TMEM38B: variants seen among roughly 807,000 people sequenced by gnomAD.
TMEM38B encodes the protein transmembrane protein 38B.
A neutral mutation model predicts 28.7 loss-of-function variants in TMEM38B; 24 were observed. The observed-to-expected ratio is 0.84, with a 90% CI of 0.61 to 1.18. The LOEUF is 1.18. Ranked by LOEUF, TMEM38B falls within the 50% of genes most tolerant of loss-of-function variation. The pLI, the probability that TMEM38B is intolerant of heterozygous loss-of-function variation, is 0.00. For synonymous variants in TMEM38B, 131 were observed against 127.7 expected (o/e 1.03, Z -0.17); for missense variants, 380 against 350.9 (o/e 1.08, Z -0.66).
intron 5 of TMEM38B, chr9:105,760,344 GGA>G: frequency 1.3e-6 from 1 of 769,174 alleles, no homozygotes; most frequent in Non-Finnish European, 2.4e-6. Flanking sequence ...CTTTCTTACT[GGA>G]TCATCATCAG....
chr9:105,718,241 G>C (rs1836181502), intron 2 of TMEM38B, among the ~76,000 whole-genome samples: 1 of 141,506 alleles, frequency 7.1e-6, no homozygotes, highest in Non-Finnish European at 1.6e-5. Context: ...TTCATTTGAG[G>C]TTTTTTTTTT....
chr9:105,747,467 TTTC>T (rs1204237248), intron 4 of TMEM38B, among the ~76,000 whole-genome samples: 2 of 152,150 alleles, frequency 1.3e-5, no homozygotes, highest in Non-Finnish European at 2.9e-5. Context: ...TCTTCTCTCT[TTTC>T]TTCTTTATTA....
At chr9:105,773,163 T>C (rs1299915265) in intron 5 of TMEM38B, among the ~76,000 whole-genome samples, 2 of 152,182 alleles carry the variant, frequency 1.3e-5, no homozygotes, top group African/African-American at 4.8e-5. Flanking sequence ...TAGCCTAATT[T>C]CTTGAGTATA....
chr9:105,753,119 GA>G (rs1209003042), intron 5 of TMEM38B, among the ~76,000 whole-genome samples: 1 of 152,022 alleles, frequency 6.6e-6, no homozygotes, highest in Non-Finnish European at 1.5e-5. Context: ...CAAAAATAGA[GA>G]AAAAATAATG....
chr9:105,726,016 A>G (rs1323190994), intron 4 of TMEM38B, among the ~76,000 whole-genome samples: 2 of 152,214 alleles, frequency 1.3e-5, no homozygotes, highest in Admixed American at 6.5e-5. Flanking sequence ...TTATGGGTAC[A>G]TAATAGTACA....
In TMEM38B at chr9:105,775,807, T is replaced by A. The variant is rs1457559991; in HGVS notation, c.*1727T>A. The A allele has an allele frequency of 6.6e-6, 1 of 152,160 alleles. No individual in the cohort carries two copies. The highest frequency in any genetic ancestry group is 6.6e-5 in the Admixed American group (1 of 15,264). 9.4% of individuals were successfully genotyped at this position (152,160 alleles called of 1,614,324 possible). A position where few individuals can be genotyped will look rare whatever the true frequency, so the allele number is the denominator to read the frequency against. On this transcript the variant is annotated 3_prime_UTR_variant, in exon 6 of 6. Coordinates refer to ENST00000374692, the MANE Select transcript of TMEM38B (RefSeq NM_018112.3). Reference sequence around the variant, plus strand: ...AGATAAATTTATTAAAATAAGTTATTTAGCACCAATGGAGTATTACATTAT... The same window carrying A: ...AGATAAATTTATTAAAATAAGTTATATAGCACCAATGGAGTATTACATTAT...
intron 5 of TMEM38B, among the ~76,000 whole-genome samples, chr9:105,770,848 T>C (rs577864300): frequency 6.6e-6 from 1 of 152,288 alleles, no homozygotes; most frequent in South Asian, 2.1e-4. Flanking sequence ...ATTGTGCAAA[T>C]TTTTCTTTTA....
At chr9:105,731,189 C>G (rs1177732361) in intron 4 of TMEM38B, among the ~76,000 whole-genome samples, 1 of 151,974 alleles carries the variant, frequency 6.6e-6, no homozygotes, top group Non-Finnish European at 1.5e-5. Context: ...CCTGCTTTCT[C>G]TTGTGGGCAT....
chr9:105,744,697 T>C (rs981648735), intron 4 of TMEM38B, among the ~76,000 whole-genome samples: 5 of 152,144 alleles, frequency 3.3e-5, no homozygotes, highest in African/African-American at 1.2e-4. Context: ...TAACTCGTCA[T>C]TTAACATTAG....
chr9:105,710,980 T>C lies in TMEM38B; in HGVS notation c.269+5227T>C, dbSNP rs572818546. Among the ~76,000 whole-genome samples the C allele has an allele frequency of 8.9e-4, 135 of 152,272 alleles. 1 individual carries two copies. The highest frequency in any genetic ancestry group is 3.2e-3 in the African/African-American group (133 of 41,568). ...ACCACGGTGGTTCTTTCCCGCAAGA[T>C]CACCAGGCAGCTGGTGATTTTTTTA... On this transcript the variant is annotated intron_variant, in intron 2 of 5. Transcript: ENST00000374692.
chr9:105,722,693 A>T, intron 4 of TMEM38B, 72 bp downstream of exon 4: 1 of 1,262,526 alleles, frequency 7.9e-7, no homozygotes, highest in South Asian at 1.3e-5. Flanking sequence ...TTTTAAGAAC[A>T]TTTTAGGGAC....
At chr9:105,758,945 A>C in intron 5 of TMEM38B, 1 of 1,353,176 alleles carries the variant, frequency 7.4e-7, no homozygotes, top group Non-Finnish European at 1.1e-6. Context: ...TGCCATCCCT[A>C]GAAGAAGTCA....
chr9:105,715,736 G>T (rs1836077509), intron 2 of TMEM38B, among the ~76,000 whole-genome samples: 1 of 151,856 alleles, frequency 6.6e-6, no homozygotes, highest in Admixed American at 6.6e-5. Flanking sequence ...TCTCCTGAGT[G>T]TTGAATCTTT....
At chr9:105,718,706 T>C (rs993854315) in intron 2 of TMEM38B, among the ~76,000 whole-genome samples, 1 of 152,198 alleles carries the variant, frequency 6.6e-6, no homozygotes. Flanking sequence ...TACACTTTCA[T>C]AGGTTTTATT....
chr9:105,739,333 G>T (rs1436885949), intron 4 of TMEM38B, among the ~76,000 whole-genome samples: 3 of 145,786 alleles, frequency 2.1e-5, no homozygotes, highest in African/African-American at 7.6e-5. Flanking sequence ...AGATTGTTTT[G>T]GCCATTCAGG....
chr9:105,751,017 A>G (rs1837629457), intron 5 of TMEM38B, among the ~76,000 whole-genome samples: 1 of 152,176 alleles, frequency 6.6e-6, no homozygotes, highest in Admixed American at 6.5e-5. Flanking sequence ...TTATGCTATT[A>G]CCATTACGTC....
chr9:105,746,203 C>G (rs899463214), intron 4 of TMEM38B, among the ~76,000 whole-genome samples: 5 of 150,942 alleles, frequency 3.3e-5, no homozygotes, highest in Non-Finnish European at 7.4e-5. Context: ...TTGATTCTTC[C>G]TACTCATGAG....
intron 4 of TMEM38B, among the ~76,000 whole-genome samples, chr9:105,729,279 G>A (rs528580863): frequency 1.8e-4 from 27 of 152,120 alleles, no homozygotes; most frequent in African/African-American, 2.6e-4. Context: ...GAAGGGATCC[G>A]GTTTCAGCTT....
intron 3 of TMEM38B, 126 bp from the exon 4 acceptor site, chr9:105,722,408 T>C: frequency 1.2e-6 from 1 of 810,534 alleles, no homozygotes. Context: ...TTTTTCTTCT[T>C]TCCAAGAATT....
Sources: allele counts gnomAD v4.1 joint callset (sites outside exome capture counted in the v4.1 genomes callset), GRCh38; gene constraint gnomAD v4.1.1; transcripts MANE v1.5; gene names NCBI Gene and HGNC (gene_info 2026-07-23, HGNC 2026-07-21).